The following RBFOX1 variants were observed in gnomAD, a reference collection of about 807,000 sequenced individuals.
The protein encoded by RBFOX1 is RNA binding fox-1 homolog 1, also known as RNA binding protein fox-1 homolog 1.
Under a neutral mutation model 57.7 loss-of-function variants are expected in RBFOX1, and 8 were observed. That is an observed-to-expected ratio of 0.14 (90% CI 0.08 to 0.25). RBFOX1 has a LOEUF of 0.25. Ranked by LOEUF, RBFOX1 falls within the 10% of genes least tolerant of loss-of-function variation. The pLI, the probability that RBFOX1 is intolerant of heterozygous loss-of-function variation, is 1.00. For missense variants in RBFOX1, 611 were observed against 548.5 expected (o/e 1.11, Z -1.14); for synonymous variants, 326 against 222.4 (o/e 1.47, Z -4.15).
intron 3 of RBFOX1, among the ~76,000 whole-genome samples, chr16:6,836,835 T>C (rs925592131): frequency 3.9e-5 from 6 of 152,234 alleles, no homozygotes; most frequent in African/African-American, 1.4e-4. Flanking sequence ...AAATATTATG[T>C]GTGAGTCCAT....
chr16:5,976,579 G>A (rs1164094663), intron 4 of RBFOX1, among the ~76,000 whole-genome samples: 1 of 152,148 alleles, frequency 6.6e-6, no homozygotes, highest in Admixed American at 6.5e-5. Context: ...CTTGAAAACA[G>A]TATTTGAGGC....
intron 4 of RBFOX1, among the ~76,000 whole-genome samples, chr16:7,070,328 C>T (rs1567148356): frequency 6.6e-6 from 1 of 152,142 alleles, no homozygotes; most frequent in Non-Finnish European, 1.5e-5. Context: ...TAGATGCTTT[C>T]CTGGATAGAG....
intron 3 of RBFOX1, among the ~76,000 whole-genome samples, chr16:6,891,128 T>G (rs1271630015): frequency 6.6e-6 from 1 of 152,188 alleles, no homozygotes; most frequent in Non-Finnish European, 1.5e-5. Context: ...TTAGTGACTT[T>G]CAGTTAAAGC....
chr16:5,785,726 C>T (rs1034436173), intron 3 of RBFOX1, among the ~76,000 whole-genome samples: 5 of 152,076 alleles, frequency 3.3e-5, no homozygotes, highest in African/African-American at 1.2e-4. Context: ...AGGGTTTCTC[C>T]ATGTTGTTCA....
chr16:6,700,641 A>G (rs1015739497), intron 3 of RBFOX1, among the ~76,000 whole-genome samples: 4 of 152,104 alleles, frequency 2.6e-5, no homozygotes, highest in African/African-American at 4.8e-5. Flanking sequence ...CTGGGCAACA[A>G]AAACGAAACT....
At position 6,771,951 on chromosome 16, in the gene RBFOX1, A is replaced by G. The variant is rs566226046; in HGVS notation, c.-16+117301A>G. Among the ~76,000 whole-genome samples the G allele has an allele frequency of 2.0e-5, 3 of 152,192 alleles. No homozygotes were observed. The East Asian group carries it at 5.8e-4, about 30-fold the overall frequency. ...TCTCCTACTCTGGGCATTGTGTAGA[A>G]TAGCTATATAAGATCCTCAAAATAA... On this transcript the variant is annotated intron_variant, in intron 3 of 15. Coordinates refer to ENST00000550418, the MANE Select transcript of RBFOX1 (RefSeq NM_018723.4).
intron 1 of RBFOX1, among the ~76,000 whole-genome samples, chr16:6,290,116 T>G (rs936908931): frequency 1.3e-5 from 2 of 151,590 alleles, no homozygotes; most frequent in African/African-American, 2.4e-5. Flanking sequence ...GTATGTAGCT[T>G]GGATCGTTGT....
chr16:7,447,531 A>T (rs2098818522), intron 4 of RBFOX1, among the ~76,000 whole-genome samples: 1 of 151,698 alleles, frequency 6.6e-6, no homozygotes, highest in Non-Finnish European at 1.5e-5. Context: ...GCCTGAAGTG[A>T]TGGTCTCTGA....
In RBFOX1 at chr16:5,990,120, G is replaced by A. The variant is rs557707933; in HGVS notation, c.351+122785G>A. Among the ~76,000 whole-genome samples, 12 of 152,124 alleles carry A rather than the reference G, an allele frequency of 7.9e-5. No homozygotes were observed. In the South Asian group the frequency reaches 1.7e-3, roughly 21 times the overall value. On this transcript the variant is annotated intron_variant, in intron 4 of 19. Transcript: ENST00000641259. ...TGCTCCTCAGCCTCTGGAGTAGCTG[G>A]GACTGTAGGCATGTGCCACCGTACC...
intron 4 of RBFOX1, among the ~76,000 whole-genome samples, chr16:7,331,865 C>T (rs1009542335): frequency 6.6e-6 from 1 of 152,102 alleles, no homozygotes; most frequent in Non-Finnish European, 1.5e-5. Flanking sequence ...TTTATCTGCT[C>T]CTATGTAACA....
chr16:7,243,857 C>T (rs13334782), intron 4 of RBFOX1, among the ~76,000 whole-genome samples: 1 of 152,100 alleles, frequency 6.6e-6, no homozygotes, highest in Non-Finnish European at 1.5e-5. Context: ...ACCCCTTATT[C>T]TTTGTTCTTA....
chr16:5,496,104 T>C (rs561909174), intron 2 of RBFOX1, among the ~76,000 whole-genome samples: 9 of 152,038 alleles, frequency 5.9e-5, no homozygotes, highest in Non-Finnish European at 1.2e-4. Context: ...CCAGCCTGGG[T>C]GACAGTGCGA....
intron 4 of RBFOX1, among the ~76,000 whole-genome samples, chr16:5,876,053 C>T (rs1031420581): frequency 1.3e-5 from 2 of 152,074 alleles, no homozygotes; most frequent in Non-Finnish European, 2.9e-5. Flanking sequence ...CCGTGTTAGC[C>T]AGGGTAGTCT....
chr16:6,448,816 G>C (rs534242876), intron 2 of RBFOX1, among the ~76,000 whole-genome samples: 2 of 152,130 alleles, frequency 1.3e-5, no homozygotes, highest in Non-Finnish European at 2.9e-5. Flanking sequence ...TTTTCCAAAT[G>C]TAAGGTACAT....
intron 4 of RBFOX1, among the ~76,000 whole-genome samples, chr16:7,373,028 C>A (rs2097598442): frequency 6.6e-6 from 1 of 151,736 alleles, no homozygotes; most frequent in Non-Finnish European, 1.5e-5. Context: ...GTCTCCCAGG[C>A]TGTAGCCATT....
At chr16:6,256,964 C>G (rs2097671615) in intron 1 of RBFOX1, among the ~76,000 whole-genome samples, 1 of 152,116 alleles carries the variant, frequency 6.6e-6, no homozygotes, top group African/African-American at 2.4e-5. Flanking sequence ...AAGCGTAAAC[C>G]TTACACCTGC....
chr16:6,543,627 C>A (rs1035344956), intron 2 of RBFOX1, among the ~76,000 whole-genome samples: 1 of 152,156 alleles, frequency 6.6e-6, no homozygotes. Context: ...GATGCCCTCC[C>A]GGTCTGGAAG....
At chr16:5,462,168 CT>C (rs1250754827) in intron 1 of RBFOX1, among the ~76,000 whole-genome samples, 26 of 40,710 alleles carry the variant, frequency 6.4e-4, no homozygotes, top group East Asian at 1.4e-3. Flanking sequence ...TTCTTTCTTT[CT>C]TTTTTTTTTT....
chr16:5,812,744 G>C (rs1378800639), intron 3 of RBFOX1, among the ~76,000 whole-genome samples: 1 of 152,128 alleles, frequency 6.6e-6, no homozygotes, highest in Non-Finnish European at 1.5e-5. Flanking sequence ...TTACAGGCAT[G>C]ATCCACCACC....
Sources: allele counts gnomAD v4.1 joint callset (sites outside exome capture counted in the v4.1 genomes callset), GRCh38; gene constraint gnomAD v4.1.1; transcripts MANE v1.5; gene names NCBI Gene and HGNC (gene_info 2026-07-23, HGNC 2026-07-21).